The following TEK variants were observed in gnomAD, a reference collection of about 807,000 sequenced individuals.
TEK encodes TEK receptor tyrosine kinase, also known as angiopoietin-1 receptor.
A neutral mutation model predicts 131.8 loss-of-function variants in TEK; 43 were observed. That is an observed-to-expected ratio of 0.33 (90% confidence interval 0.26 to 0.42). TEK has a LOEUF of 0.42. Among genes scored for constraint, TEK ranks in the 10% least tolerant of loss-of-function variants. TEK has a pLI of 1.00. For missense variants in TEK, 1,162 were observed against 1,384.4 expected (o/e 0.84, Z 2.55); for synonymous variants, 580 against 491.6 (o/e 1.18, Z -2.38).
chr9:27,149,073 G>C (rs765136005), intron 1 of TEK, among the ~76,000 whole-genome samples: 1 of 151,678 alleles, frequency 6.6e-6, no homozygotes, highest in Admixed American at 6.5e-5. Flanking sequence ...AGTAATAAAG[G>C]TTTATTGAAT....
chr9:27,174,603 T>G (rs1824094433), intron 6 of TEK, among the ~76,000 whole-genome samples: 1 of 152,156 alleles, frequency 6.6e-6, no homozygotes, highest in African/African-American at 2.4e-5. Flanking sequence ...CGTGGCTAAC[T>G]GTACTGGACA....
chr9:27,203,378 G>T (rs1245395703), intron 13 of TEK, among the ~76,000 whole-genome samples: 4 of 152,312 alleles, frequency 2.6e-5, no homozygotes, highest in Non-Finnish European at 5.9e-5. Flanking sequence ...TGAGGAATAT[G>T]AATTTTAATT....
chr9:27,185,400 A>G lies in TEK; in HGVS notation c.1183-85A>G, dbSNP rs1041293559. The stretch of plus-strand genomic sequence containing the variant: ...GATCTCTCCTAGGAAACTTCTTATT[A>G]AACAATGAGATGGGGTCAATGTTAT... On this transcript the variant is annotated intron_variant, in intron 8 of 22. Coordinates refer to ENST00000380036, the MANE Select transcript of TEK (RefSeq NM_000459.5). 64 of 1,530,172 alleles carry G rather than the reference A, an allele frequency of 4.2e-5. 1 individual carries two copies. Among genetic ancestry groups the G allele is most frequent in the Non-Finnish European group, 5.5e-5 (61 of 1,106,172 alleles). The allele number at this position is 1,530,172 out of a possible 1,614,324, so 94.8% of individuals were successfully genotyped here. A position where few individuals can be genotyped will look rare whatever the true frequency, so the allele number is the denominator to read the frequency against.
intron 6 of TEK, among the ~76,000 whole-genome samples, chr9:27,174,856 A>C (rs1415589005): frequency 6.6e-6 from 1 of 152,144 alleles, no homozygotes; most frequent in Non-Finnish European, 1.5e-5. Context: ...ATGTTACGCA[A>C]ACTATGAACA....
intron 6 of TEK, among the ~76,000 whole-genome samples, chr9:27,178,942 TTTAC>T (rs1681992698): frequency 1.3e-5 from 2 of 152,342 alleles, no homozygotes; most frequent in Admixed American, 1.3e-4. Context: ...CTATGCATAG[TTTAC>T]TTTATATTTA....
chr9:27,216,218 A>G (rs1825816372), intron 18 of TEK, among the ~76,000 whole-genome samples: 1 of 152,296 alleles, frequency 6.6e-6, no homozygotes, highest in South Asian at 2.1e-4. Context: ...GCCATTTAGC[A>G]TGATCATCCT....
At chr9:27,177,175 G>A (rs780507000) in intron 6 of TEK, among the ~76,000 whole-genome samples, 15 of 152,182 alleles carry the variant, frequency 9.9e-5, no homozygotes, top group Non-Finnish European at 1.9e-4. Flanking sequence ...GTCTCTTTGA[G>A]ATAGTGATTT....
chr9:27,172,464 C>A, intron 4 of TEK, 152 bp from the exon 5 acceptor site: 1 of 1,071,924 alleles, frequency 9.3e-7, no homozygotes, highest in South Asian at 1.4e-5. Flanking sequence ...GTCTGTCTCC[C>A]ATATTAGATG....
intron 21 of TEK, among the ~76,000 whole-genome samples, chr9:27,226,941 G>A (rs1024046922): frequency 6.6e-6 from 1 of 152,132 alleles, no homozygotes; most frequent in Non-Finnish European, 1.5e-5. Context: ...TTCTAAGAGT[G>A]AAGGAGGGTG....
At position 27,190,614 on chromosome 9, in the gene TEK, T is replaced by C. The variant is rs749405516; in HGVS notation, c.1413T>C (p.Phe471=). The C allele has an allele frequency of 1.9e-6, 3 of 1,614,014 alleles. No homozygotes were observed. Among genetic ancestry groups the C allele is most frequent in the Non-Finnish European group, 2.5e-6 (3 of 1,179,926 alleles). The change falls in exon 10 of 23, where the codon TTT becomes TTC. Residue 471 remains phenylalanine (F), a synonymous_variant. Coordinates refer to ENST00000380036, the MANE Select transcript of TEK (RefSeq NM_000459.5). ...TCAACATCAGCTCTGAGCCTTACTTTGGGGATGGACCAATCAAATCCAAGA... is the reference window on the plus strand; with the variant it reads ...TCAACATCAGCTCTGAGCCTTACTTCGGGGATGGACCAATCAAATCCAAGA... The part of the protein sequence containing the change: ...AVINISSEPY[F]GDGPIKSKKL...
At chr9:27,222,241 C>T (rs919571412) in intron 21 of TEK, among the ~76,000 whole-genome samples, 3 of 151,270 alleles carry the variant, frequency 2.0e-5, no homozygotes, top group African/African-American at 7.3e-5. Context: ...GTGAAAAGAC[C>T]AAACCTGAAA....
At chr9:27,192,965 T>G (rs905107590) in intron 11 of TEK, among the ~76,000 whole-genome samples, 11 of 152,338 alleles carry the variant, frequency 7.2e-5, no homozygotes, top group African/African-American at 2.6e-4. Context: ...CTTCAGCTCC[T>G]GCATTTTATC....
chr9:27,221,785 G>C (rs1587049219), intron 21 of TEK, among the ~76,000 whole-genome samples: 3 of 152,292 alleles, frequency 2.0e-5, no homozygotes, highest in Admixed American at 2.0e-4. Flanking sequence ...AAGATGGAGA[G>C]AAACCAGTGC....
chr9:27,162,047 C>T (rs1006666663), intron 2 of TEK, among the ~76,000 whole-genome samples: 1 of 152,130 alleles, frequency 6.6e-6, no homozygotes, highest in African/African-American at 2.4e-5. Flanking sequence ...TGTATTTTAA[C>T]AATAACAGCA....
intron 22 of TEK, 27 bp from the exon 23 acceptor site, chr9:27,229,131 G>A: frequency 6.2e-7 from 1 of 1,610,716 alleles, no homozygotes; most frequent in Non-Finnish European, 8.5e-7. Context: ...AGCAGCCTAT[G>A]TCTCTGAACC....
In TEK at chr9:27,209,366, TGTC is replaced by T. The variant is rs373991423; in HGVS notation, c.2686+136_2686+138del. 1.2e-3 allele frequency: 890 copies of T among 727,006 alleles called. 9 individuals are homozygous for T. The African/African-American group carries it at 0.015, about 12-fold the overall frequency. The allele number at this position is 727,006 out of a possible 1,614,324, so 45.0% of individuals were successfully genotyped here. On this transcript the variant is annotated intron_variant, in intron 16 of 22. Transcript: ENST00000380036. ...AAGTTGCATCTTCTATCTGAATGTC[TGTC>T]TAGTCCCATTTATAGACTGTGCTGT...
chr9:27,199,645 C>T (rs902020984), intron 12 of TEK, among the ~76,000 whole-genome samples: 2 of 152,098 alleles, frequency 1.3e-5, no homozygotes, highest in African/African-American at 4.8e-5. Flanking sequence ...GTTAATTGTC[C>T]TCTTTTTTGA....
rs144417943 is a variant in TEK, at chr9:27,202,539, G to C, written c.1910-281G>C. ...CCTCAGAAGCTTTCCATTCTTCCCA[G>C]CATCAAGAATAGTAAGTACAGGTTT... is the stretch of plus-strand genomic sequence containing the variant. On this transcript the variant is annotated intron_variant, in intron 12 of 22. Coordinates refer to ENST00000380036, the MANE Select transcript of TEK (RefSeq NM_000459.5). Among the ~76,000 whole-genome samples the C allele has an allele frequency of 3.0e-3, 455 of 152,274 alleles. 2 individuals carry two copies. Among genetic ancestry groups the C allele is most frequent in the African/African-American group, 1.0e-2 (414 of 41,556 alleles).
At chr9:27,169,439 A>C (rs1258126921) in intron 3 of TEK, 38 bp from the exon 4 acceptor site, 1 of 1,613,082 alleles carries the variant, frequency 6.2e-7, no homozygotes. Context: ...GGTATGTTTC[A>C]GTGTGACCTA....
Sources: allele counts gnomAD v4.1 joint callset (sites outside exome capture counted in the v4.1 genomes callset), GRCh38; gene constraint gnomAD v4.1.1; transcripts MANE v1.5; gene names NCBI Gene and HGNC (gene_info 2026-07-23, HGNC 2026-07-21).